ME1: variants seen among roughly 807,000 people sequenced by gnomAD.
The protein encoded by ME1 is NADP-dependent malic enzyme.
ME1 carries 74 observed loss-of-function variants against 66.4 expected under a neutral mutation model. That is an observed-to-expected ratio of 1.11 (90% confidence interval 0.92 to 1.35). The LOEUF is 1.35. Ranked by LOEUF, ME1 falls within the 40% of genes most tolerant of loss-of-function variation. ME1 has a pLI of 0.00. For missense variants in ME1, 750 were observed against 694.1 expected (o/e 1.08, Z -0.90); for synonymous variants, 251 against 235.6 (o/e 1.07, Z -0.60).
chr6:83,259,249 G>A (rs532194788), intron 6 of ME1, among the ~76,000 whole-genome samples: 1 of 152,282 alleles, frequency 6.6e-6, no homozygotes, highest in African/African-American at 2.4e-5. Context: ...AAGCTTGAGA[G>A]TGCTCAATGA....
intron 6 of ME1, among the ~76,000 whole-genome samples, chr6:83,310,358 C>G (rs1228323504): frequency 6.6e-6 from 1 of 152,212 alleles, no homozygotes; most frequent in Admixed American, 6.5e-5. Context: ...GTCATGGTGC[C>G]TGCAGGCAGC....
chr6:83,391,106 T>A (rs954329742), intron 3 of ME1, among the ~76,000 whole-genome samples: 7 of 152,088 alleles, frequency 4.6e-5, no homozygotes, highest in Admixed American at 1.3e-4. Context: ...TCAGATAAGA[T>A]CAGGTTTTGT....
At chr6:83,313,537 C>G (rs893021398) in intron 6 of ME1, among the ~76,000 whole-genome samples, 2 of 152,106 alleles carry the variant, frequency 1.3e-5, no homozygotes, top group African/African-American at 2.4e-5. Flanking sequence ...TTAAGTGCAC[C>G]TAACTTGTTA....
chr6:83,297,567 C>T (rs892456244), intron 6 of ME1, among the ~76,000 whole-genome samples: 5 of 150,738 alleles, frequency 3.3e-5, no homozygotes, highest in Admixed American at 6.6e-5. Flanking sequence ...TGAGCACTTA[C>T]GACCATCTAA....
chr6:83,237,225 A>AG (rs1388894245), intron 9 of ME1, among the ~76,000 whole-genome samples: 2 of 136,146 alleles, frequency 1.5e-5, no homozygotes, highest in Non-Finnish European at 3.1e-5. Flanking sequence ...AGACAGAGAG[A>AG]GAAAAGAAAG....
intron 6 of ME1, among the ~76,000 whole-genome samples, chr6:83,263,095 C>T (rs1400691886): frequency 6.6e-6 from 1 of 152,098 alleles, no homozygotes; most frequent in Non-Finnish European, 1.5e-5. Context: ...CAAACTTTTG[C>T]ATTATTATTA....
At chr6:83,261,424 T>TC (rs1200275993) in intron 6 of ME1, among the ~76,000 whole-genome samples, 1 of 147,728 alleles carries the variant, frequency 6.8e-6, no homozygotes, top group Non-Finnish European at 1.5e-5. Flanking sequence ...TTGGTAATTT[T>TC]TTTTTTTTTT....
chr6:83,223,310 A>G (rs1790126537), intron 12 of ME1, among the ~76,000 whole-genome samples: 1 of 152,068 alleles, frequency 6.6e-6, no homozygotes, highest in African/African-American at 2.4e-5. Context: ...ACACACCACC[A>G]TGCCCGGCTA....
At position 83,291,296 on chromosome 6, in the gene ME1, C is replaced by T. The variant is rs140216891; in HGVS notation, c.704+24014G>A. Among the ~76,000 whole-genome samples, 999 of 152,266 alleles carry T rather than the reference C, an allele frequency of 6.6e-3. 10 individuals carry two copies. Among genetic ancestry groups the T allele is most frequent in the African/African-American group, 0.023 (947 of 41,536 alleles). ...CCATGTTTAGTGCTTCCTTCAGAAG[C>T]TCTTGTAAGGCAGGCCTGGTGGTGA... On this transcript the variant is annotated intron_variant, in intron 6 of 13. Transcript: ENST00000369705.
intron 13 of ME1, among the ~76,000 whole-genome samples, chr6:83,216,037 GC>G (rs1789986063): frequency 1.3e-5 from 2 of 152,078 alleles, no homozygotes; most frequent in African/African-American, 4.8e-5. Flanking sequence ...TCTTTATTTT[GC>G]CTTCCGCCCA....
intron 1 of ME1, among the ~76,000 whole-genome samples, chr6:83,430,182 A>AAAAACAAAACAAAAC (rs558746166): frequency 2.4e-4 from 37 of 152,066 alleles, no homozygotes; most frequent in African/African-American, 8.9e-4. Context: ...AAGCCAAATT[A>AAAAACAAAACAAAAC]AAAACAAAAC....
intron 9 of ME1, among the ~76,000 whole-genome samples, chr6:83,237,227 A>ACAAGAAAGAAAG (rs377309724): frequency 1.4e-5 from 1 of 68,978 alleles, no homozygotes; most frequent in African/African-American, 5.5e-5. Flanking sequence ...ACAGAGAGAG[A>ACAAGAAAGAAAG]AAAGAAAGAA....
chr6:83,212,169 A>G, intron 13 of ME1, 75 bp from the exon 14 acceptor site: 1 of 1,073,676 alleles, frequency 9.3e-7, no homozygotes, highest in South Asian at 2.4e-5. Flanking sequence ...GGAAGTTTTT[A>G]TCCATTTCAA....
At chr6:83,290,864 A>C (rs956702399) in intron 6 of ME1, among the ~76,000 whole-genome samples, 2 of 151,946 alleles carry the variant, frequency 1.3e-5, no homozygotes, top group Admixed American at 1.3e-4. Flanking sequence ...TGATCCCTTT[A>C]CCATTATGTA....
chr6:83,373,385 G>T (rs1769229684), intron 3 of ME1, among the ~76,000 whole-genome samples: 1 of 152,040 alleles, frequency 6.6e-6, no homozygotes, highest in Admixed American at 6.6e-5. Context: ...ACAGGTAGGT[G>T]CCAACAAGCC....
intron 6 of ME1, among the ~76,000 whole-genome samples, chr6:83,302,589 T>G (rs1317519874): frequency 6.6e-6 from 1 of 152,172 alleles, no homozygotes; most frequent in Non-Finnish European, 1.5e-5. Context: ...TACAATACAG[T>G]GTGATACATG....
chr6:83,367,611 T>G (rs1769123729), intron 3 of ME1, among the ~76,000 whole-genome samples: 1 of 152,206 alleles, frequency 6.6e-6, no homozygotes, highest in African/African-American at 2.4e-5. Context: ...CTTCTTTCCT[T>G]AAACCTCATG....
chr6:83,307,492 A>T (rs1767848351), intron 6 of ME1, among the ~76,000 whole-genome samples: 1 of 152,124 alleles, frequency 6.6e-6, no homozygotes, highest in Non-Finnish European at 1.5e-5. Context: ...ATCCCATATA[A>T]TCATATGCTT....
intron 6 of ME1, among the ~76,000 whole-genome samples, chr6:83,313,017 A>G (rs1767959765): frequency 6.6e-6 from 1 of 152,192 alleles, no homozygotes; most frequent in African/African-American, 2.4e-5. Context: ...TCGGCCTTCC[A>G]AAGTGCTGGG....
Sources: gnomAD v4.1 joint callset for allele counts (sites outside exome capture counted in the v4.1 genomes callset) on GRCh38, gnomAD v4.1.1 for gene constraint, MANE v1.5 for transcripts, NCBI Gene and HGNC (gene_info 2026-07-23, HGNC 2026-07-21) for gene names.